The following TCF25 variants were observed in gnomAD, a reference collection of about 807,000 sequenced individuals.
TCF25 encodes the protein ribosome quality control complex subunit TCF25.
Under a neutral mutation model 83.1 loss-of-function variants are expected in TCF25, and 41 were observed. That is an observed-to-expected ratio of 0.49 (90% CI 0.38 to 0.64). The LOEUF (loss-of-function observed/expected upper bound fraction) is 0.64, where lower values mean the gene tolerates loss of function less well. Ranked by LOEUF, TCF25 falls within the 30% of genes least tolerant of loss-of-function variation. The pLI, the probability that TCF25 is intolerant of heterozygous loss-of-function variation, is 0.00. For missense variants in TCF25, 979 were observed against 914.5 expected (o/e 1.07, Z -0.91); for synonymous variants, 458 against 365.0 (o/e 1.25, Z -2.90).
intron 11 of TCF25, among the ~76,000 whole-genome samples, chr16:89,899,759 C>T (rs938693829): frequency 2.0e-5 from 3 of 151,994 alleles, no homozygotes; most frequent in African/African-American, 7.2e-5. Flanking sequence ...TAAATTGACA[C>T]CTGGGCTCCC....
rs778210799 is a variant in TCF25 at position 89,893,719 on chromosome 16, C to T, written c.698-9C>T. On this transcript the variant is annotated splice_polypyrimidine_tract_variant and intron_variant, in intron 6 of 17. Transcript: ENST00000263346. ...CGGCACACCCTCCCTGAGCACTCTC[C>T]CCTCCCAGGTCTGTCCATGCGGCTG... The T allele has an allele frequency of 1.9e-6, 3 of 1,613,548 alleles. No individual in the cohort carries two copies. Among genetic ancestry groups the T allele is most frequent in the Admixed American group, 1.7e-5 (1 of 60,002 alleles).
chr16:89,895,721 C>T (rs552744574), intron 8 of TCF25, among the ~76,000 whole-genome samples: 4 of 152,372 alleles, frequency 2.6e-5, no homozygotes, highest in African/African-American at 9.6e-5. Flanking sequence ...CTGTGCTGCA[C>T]ACATGGACGC....
chr16:89,896,086 G>A lies in TCF25; in HGVS notation c.1022+3G>A. 6.2e-7 allele frequency: 1 copy of A among 1,613,132 alleles called. No homozygotes were observed. The highest frequency in any genetic ancestry group is 1.3e-5 in the African/African-American group (1 of 75,056). On this transcript the variant is annotated splice_donor_region_variant and intron_variant, in intron 9 of 17. Coordinates refer to ENST00000263346, the MANE Select transcript of TCF25 (RefSeq NM_014972.3). ...GATTACCGCAGACCCGAGAACAGGT[G>A]AGTGCAGCTGCCCTGGAGGTGACGC...
chr16:89,891,412 G>A (rs1318911358), intron 5 of TCF25, among the ~76,000 whole-genome samples: 2 of 152,230 alleles, frequency 1.3e-5, no homozygotes, highest in Non-Finnish European at 2.9e-5. Flanking sequence ...TGGGGAGCCC[G>A]GGGCCAGGGC....
chr16:89,883,830 G>C (rs927347202), intron 2 of TCF25: 1 of 266,936 alleles, frequency 3.7e-6, no homozygotes, highest in Admixed American at 4.5e-5. Flanking sequence ...GTGCCTCCTA[G>C]CCGACCGCGC....
chr16:89,881,846 C>T (rs192842202), intron 1 of TCF25, among the ~76,000 whole-genome samples: 15 of 152,286 alleles, frequency 9.8e-5, no homozygotes, highest in African/African-American at 3.1e-4. Flanking sequence ...CCTCTGCCTC[C>T]CGGATTCAAG....
At chr16:89,876,281 A>G (rs895248239) in intron 1 of TCF25, among the ~76,000 whole-genome samples, 2 of 152,190 alleles carry the variant, frequency 1.3e-5, no homozygotes, top group African/African-American at 2.4e-5. Context: ...TAAAACTCAT[A>G]TTTGGAAATA....
At chr16:89,886,830 A>C (rs1314942751) in intron 4 of TCF25, among the ~76,000 whole-genome samples, 1 of 151,868 alleles carries the variant, frequency 6.6e-6, no homozygotes, top group African/African-American at 2.4e-5. Flanking sequence ...CCAGCCACTC[A>C]GGAGGCTGAG....
intron 16 of TCF25, chr16:89,909,147 G>C (rs62052189): frequency 0.11 from 137,136 of 1,280,416 alleles, 8,201 homozygotes; most frequent in East Asian, 0.26. Flanking sequence ...ATTTTAGAAT[G>C]TAGAAATAAA....
intron 1 of TCF25, among the ~76,000 whole-genome samples, chr16:89,878,138 A>G (rs1014336122): frequency 3.3e-5 from 5 of 151,866 alleles, no homozygotes; most frequent in African/African-American, 9.7e-5. Context: ...AAACTGTCCA[A>G]GTATAGTGGC....
At chr16:89,878,855 A>G (rs900166550) in intron 1 of TCF25, among the ~76,000 whole-genome samples, 1 of 152,066 alleles carries the variant, frequency 6.6e-6, no homozygotes, top group African/African-American at 2.4e-5. Context: ...GTTAGCGAGG[A>G]TGGTCTTGAT....
chr16:89,881,006 G>A (rs2042565253), intron 1 of TCF25, among the ~76,000 whole-genome samples: 1 of 152,212 alleles, frequency 6.6e-6, no homozygotes, highest in Non-Finnish European at 1.5e-5. Flanking sequence ...TTGGTGGAGT[G>A]TCAGTGTTTT....
intron 8 of TCF25, 111 bp from the exon 9 acceptor site, chr16:89,895,879 T>C: frequency 1.1e-6 from 1 of 930,736 alleles, no homozygotes; most frequent in Non-Finnish European, 1.6e-6. Context: ...TCCAGGACTC[T>C]AGTTTCGTGA....
At chr16:89,885,239 A>G (rs1262407398) in intron 3 of TCF25, among the ~76,000 whole-genome samples, 1 of 152,194 alleles carries the variant, frequency 6.6e-6, no homozygotes. Context: ...AGAAAAGGGA[A>G]AGTTACTTTC....
chr16:89,906,250 C>G lies in TCF25; in HGVS notation c.1685C>G (p.Ser562Cys), dbSNP rs767447614. Residue 562 changes from serine to cysteine, a missense_variant, in exon 15 of 18, where the codon TCT becomes TGT. Ser to Cys is a moderately radical substitution (Grantham distance 112). Coordinates refer to ENST00000263346, the MANE Select transcript of TCF25 (RefSeq NM_014972.3). ...PRNIHRHVIL[S>C]EIKEAVAALP... is the part of the protein sequence containing the mutation. The stretch of plus-strand genomic sequence containing the variant: ...AATATCCACCGCCATGTGATCCTCT[C>G]TGAGATCAAGGAAGCCGTCGCTGCC... 3 of 1,613,266 alleles carry G rather than the reference C, an allele frequency of 1.9e-6. No individual in the cohort carries two copies. Among genetic ancestry groups the G allele is most frequent in the Non-Finnish European group, 2.5e-6 (3 of 1,179,990 alleles).
At chr16:89,890,813 T>G (rs1471788089) in intron 5 of TCF25, among the ~76,000 whole-genome samples, 2 of 152,194 alleles carry the variant, frequency 1.3e-5, no homozygotes, top group African/African-American at 4.8e-5. Context: ...AGTAATTAGT[T>G]GACAATAATT....
intron 12 of TCF25, among the ~76,000 whole-genome samples, chr16:89,903,907 G>A (rs2044557620): frequency 6.6e-6 from 1 of 152,200 alleles, no homozygotes; most frequent in East Asian, 1.9e-4. Flanking sequence ...TGGGGCTGGT[G>A]TGAAGGAGAC....
At chr16:89,884,776 C>G in intron 3 of TCF25, 120 bp downstream of exon 3, 1 of 852,632 alleles carries the variant, frequency 1.2e-6, no homozygotes, top group East Asian at 3.0e-5. Context: ...CTCCCTCTGC[C>G]TGACGCCCTC....
chr16:89,881,444 C>CT (rs1010755700), intron 1 of TCF25, among the ~76,000 whole-genome samples: 17 of 151,874 alleles, frequency 1.1e-4, no homozygotes, highest in South Asian at 2.1e-4. Flanking sequence ...TCTCTGTTAG[C>CT]TTTTTTTTTA....
Sources: gnomAD v4.1 joint callset for allele counts (sites outside exome capture counted in the v4.1 genomes callset) on GRCh38, gnomAD v4.1.1 for gene constraint, MANE v1.5 for transcripts, NCBI Gene and HGNC (gene_info 2026-07-23, HGNC 2026-07-21) for gene names.